Variants in PADI1 observed in about 807,000 individuals in gnomAD.
PADI1 encodes the protein protein-arginine deiminase type-1.
A neutral mutation model predicts 74.8 loss-of-function variants in PADI1; 65 were observed. That is an observed-to-expected ratio of 0.87 (90% CI 0.71 to 1.07). PADI1 has a LOEUF of 1.07. Among genes scored for constraint, PADI1 ranks in the 50% least tolerant of loss-of-function variants. The pLI, the probability that PADI1 is intolerant of heterozygous loss-of-function variation, is 0.00. For missense variants in PADI1, 943 were observed against 854.0 expected (o/e 1.10, Z -1.30); for synonymous variants, 371 against 336.2 (o/e 1.10, Z -1.13).
At position 17,244,191 on chromosome 1, in the gene PADI1, C is replaced by G; in HGVS notation, c.1940C>G (p.Thr647Ser). 6.2e-7 allele frequency: 1 copy of G among 1,614,206 alleles called. No homozygotes were observed. Among genetic ancestry groups the G allele is most frequent in the Non-Finnish European group, 8.5e-7 (1 of 1,180,028 alleles). ...HELQGEIHCG[T>S]NVRRKPFPFK... ...CTGCAGGGGGAGATCCACTGTGGCA[C>G]CAACGTGCGCAGGAAGCCCTTTCCC... is the stretch of plus-strand genomic sequence containing the variant. The change falls in exon 16 of 16, where the codon ACC (threonine) becomes AGC (serine). Residue 647 changes from threonine to serine, a missense_variant. Coordinates refer to ENST00000375471, the MANE Select transcript of PADI1 (RefSeq NM_013358.3).
In PADI1 at chr1:17,244,272, C is replaced by G. The variant is rs41300110; in HGVS notation, c.*29C>G. 148,495 of 1,551,582 alleles carry G rather than the reference C, an allele frequency of 0.096. 7,907 individuals are homozygous for G. The highest frequency in any genetic ancestry group is 0.11 in the Non-Finnish European group (120,572 of 1,123,028). The stretch of plus-strand genomic sequence containing the variant: ...TGCCCCCACCCGCCATCCTCTCTGC[C>G]CTCTTGCTAGGGAACCCTGCCAGGG... On this transcript the variant is annotated 3_prime_UTR_variant, in exon 16 of 16. Transcript: ENST00000375471.
At chr1:17,217,085 G>A (rs538209076) in intron 1 of PADI1, among the ~76,000 whole-genome samples, 45 of 151,898 alleles carry the variant, frequency 3.0e-4, no homozygotes, top group Non-Finnish European at 5.3e-4. Context: ...GGGAGGCTGA[G>A]CCCTAAGCCA....
intron 1 of PADI1, among the ~76,000 whole-genome samples, chr1:17,206,839 A>G (rs1337766152): frequency 1.0e-4 from 15 of 150,578 alleles, no homozygotes; most frequent in Admixed American, 7.9e-4. Flanking sequence ...CCACCATCAC[A>G]CTCGGCTAAT....
rs1354585043 is a variant in PADI1, at chr1:17,244,516, T to A, written c.*273T>A. On this transcript the variant is annotated 3_prime_UTR_variant, in exon 16 of 16. Coordinates refer to ENST00000375471, the MANE Select transcript of PADI1 (RefSeq NM_013358.3). Reference sequence around the variant, plus strand: ...GCTCTAGATCAACAATGTTAGCATGTTCCAGAATGGCTGTGGGAGGCCTAG... The same window carrying A: ...GCTCTAGATCAACAATGTTAGCATGATCCAGAATGGCTGTGGGAGGCCTAG... 1 of 548,892 alleles carries A rather than the reference T, an allele frequency of 1.8e-6. No homozygotes were observed. The highest frequency in any genetic ancestry group is 3.5e-6 in the Non-Finnish European group (1 of 287,200). The allele number at this position is 548,892 out of a possible 1,614,324, so 34.0% of individuals were successfully genotyped here. A position where few individuals can be genotyped will look rare whatever the true frequency, so the allele number is the denominator to read the frequency against.
chr1:17,222,259 T>A, intron 1 of PADI1, 31 bp from the exon 2 acceptor site: 7 of 1,551,354 alleles, frequency 4.5e-6, no homozygotes, highest in Non-Finnish European at 6.2e-6. Flanking sequence ...ATGGGAAGAC[T>A]GGTTCTCTTC....
At chr1:17,233,059 C>T (rs2072541816) in intron 11 of PADI1, 89 bp downstream of exon 11, 1 of 1,231,556 alleles carries the variant, frequency 8.1e-7, no homozygotes, top group Admixed American at 2.8e-5. Context: ...CACAATTCCC[C>T]AGTCTGAGAA....
At position 17,238,641 on chromosome 1, in the gene PADI1, C is replaced by G. The variant is rs1311213037; in HGVS notation, c.1484C>G (p.Pro495Arg). The change falls in exon 13 of 16, where the codon CCC becomes CGC. Residue 495 changes from proline to arginine, a missense_variant. Coordinates refer to ENST00000375471, the MANE Select transcript of PADI1 (RefSeq NM_013358.3). The part of the protein sequence containing the change: ...QKGFRLLLAS[P>R]SACLKLFQEK... ...GGCTTCCGGCTGCTCCTGGCTAGCCCCAGCGCTTGCCTCAAACTCTTCCAA... is the reference window on the plus strand; with the variant it reads ...GGCTTCCGGCTGCTCCTGGCTAGCCGCAGCGCTTGCCTCAAACTCTTCCAA... 3 of 1,548,044 alleles carry G rather than the reference C, an allele frequency of 1.9e-6. No individual in the cohort carries two copies. In the African/African-American group the frequency reaches 4.1e-5, roughly 21 times the overall value.
intron 9 of PADI1, 108 bp from the exon 10 acceptor site, chr1:17,230,464 T>TTAG: frequency 2.5e-6 from 2 of 798,428 alleles, no homozygotes; most frequent in Non-Finnish European, 4.0e-6. Context: ...TCACCAGGTC[T>TTAG]TAGGGAAGAC....
At chr1:17,226,329 G>A (rs984992383) in intron 6 of PADI1, among the ~76,000 whole-genome samples, 171 bp downstream of exon 6, 4 of 152,142 alleles carry the variant, frequency 2.6e-5, no homozygotes, top group Admixed American at 2.6e-4. Flanking sequence ...CAACAACAAC[G>A]AGTTCCATTT....
chr1:17,237,817 C>T (rs546755672), intron 12 of PADI1, among the ~76,000 whole-genome samples: 1 of 152,270 alleles, frequency 6.6e-6, no homozygotes, highest in South Asian at 2.1e-4. Flanking sequence ...AATTGAGGCT[C>T]AGAAGGGCAA....
intron 1 of PADI1, among the ~76,000 whole-genome samples, chr1:17,206,747 C>T (rs1391737169): frequency 5.3e-5 from 7 of 131,862 alleles, no homozygotes; most frequent in South Asian, 2.5e-4. Context: ...AGTGCAGTGG[C>T]GAGATCTTTG....
At chr1:17,229,982 G>A in intron 8 of PADI1, 103 bp from the exon 9 acceptor site, 1 of 1,110,680 alleles carries the variant, frequency 9.0e-7, no homozygotes. Context: ...TGGAACCCCT[G>A]TACCCCAGAG....
At chr1:17,224,461 G>A (rs778215693) in intron 4 of PADI1, 33 bp downstream of exon 4, 1 of 1,572,132 alleles carries the variant, frequency 6.4e-7, no homozygotes, top group South Asian at 1.1e-5. Context: ...AAGGCTGCGG[G>A]GTTGAAAGGC....
chr1:17,243,526 A>G (rs1433660727), intron 15 of PADI1, among the ~76,000 whole-genome samples: 2 of 152,244 alleles, frequency 1.3e-5, no homozygotes, highest in East Asian at 1.9e-4. Context: ...AAGATGCTCA[A>G]TAAATGCTAA....
In PADI1 at chr1:17,215,860, A is replaced by G. The variant is rs559561381; in HGVS notation, c.93-6430A>G. ...CATTTTAGAGGGAGAGACTGCAATG[A>G]GCAGATATGTGCTCTGTCAGGTGGC... On this transcript the variant is annotated intron_variant, in intron 1 of 15. Coordinates refer to ENST00000375471, the MANE Select transcript of PADI1 (RefSeq NM_013358.3). Among the ~76,000 whole-genome samples, 3 of 152,314 alleles carry G rather than the reference A, an allele frequency of 2.0e-5. No homozygotes were observed. The East Asian group carries it at 5.8e-4, about 29-fold the overall frequency.
At chr1:17,234,529 C>A (rs1210374556) in intron 11 of PADI1, among the ~76,000 whole-genome samples, 1 of 152,224 alleles carries the variant, frequency 6.6e-6, no homozygotes, top group Non-Finnish European at 1.5e-5. Flanking sequence ...ACCCATAGTG[C>A]TTTCCCCAGG....
chr1:17,239,625 C>T (rs767836213), intron 13 of PADI1, 79 bp from the exon 14 acceptor site: 58 of 1,089,482 alleles, frequency 5.3e-5, no homozygotes, highest in Admixed American at 1.9e-4. Flanking sequence ...AAATCCTGGC[C>T]TGGATTATGT....
At chr1:17,239,508 T>G (rs2072726999) in intron 13 of PADI1, 196 bp from the exon 14 acceptor site, 1 of 554,314 alleles carries the variant, frequency 1.8e-6, no homozygotes, top group African/African-American at 1.9e-5. Context: ...AGGGGTTCCT[T>G]ATCCATCACC....
At position 17,230,694 on chromosome 1, in the gene PADI1, G is replaced by GA; in HGVS notation, c.1161+15_1161+16insA. On this transcript the variant is annotated intron_variant, in intron 10 of 15. Coordinates refer to ENST00000375471, the MANE Select transcript of PADI1 (RefSeq NM_013358.3). ...AGAGGATCCTGGTACGTAGCGACAGGTAGAGTGCAGAAACCCTGGTTGGGT... is the reference window on the plus strand; with the variant it reads ...AGAGGATCCTGGTACGTAGCGACAGGATAGAGTGCAGAAACCCTGGTTGGGT... 6.7e-7 allele frequency: 1 copy of GA among 1,488,080 alleles called. No individual in the cohort carries two copies. 92.2% of individuals were successfully genotyped at this position (1,488,080 alleles called of 1,614,324 possible).
Sources: allele counts gnomAD v4.1 joint callset (sites outside exome capture counted in the v4.1 genomes callset), GRCh38; gene constraint gnomAD v4.1.1; transcripts MANE v1.5; gene names NCBI Gene and HGNC (gene_info 2026-07-23, HGNC 2026-07-21).